Variants in TAS2R3 observed in about 807,000 individuals in gnomAD.
TAS2R3 encodes taste receptor type 2 member 3.
A neutral mutation model predicts 15.3 loss-of-function variants in TAS2R3; 10 were observed. That is an observed-to-expected ratio of 0.65 (90% CI 0.40 to 1.11). The LOEUF is 1.11. Among genes scored for constraint, TAS2R3 ranks in the 50% least tolerant of loss-of-function variants. TAS2R3 has a pLI of 0.00. For synonymous variants in TAS2R3, 162 were observed against 141.3 expected (o/e 1.15, Z -1.04); for missense variants, 383 against 370.3 (o/e 1.03, Z -0.28).
rs773433258 is a variant in TAS2R3, at chr7:141,765,026, A to G, written c.868A>G (p.Lys290Glu). The G allele has an allele frequency of 3.7e-6, 6 of 1,614,226 alleles. No individual in the cohort carries two copies. In the South Asian group the frequency reaches 6.6e-5, roughly 18 times the overall value. The change falls in exon 1 of 1, where the codon AAG (lysine) becomes GAG (glutamate). Residue 290 changes from lysine (K) to glutamate (E), a missense_variant. Transcript: ENST00000247879. The part of the protein sequence containing the change: ...HSFILILGNS[K>E]LKQTFVVMLR... Reference sequence around the variant, plus strand: ...ATTTATTCTCATTCTGGGGAACAGTAAGCTGAAGCAGACATTTGTAGTGAT... The same window carrying G: ...ATTTATTCTCATTCTGGGGAACAGTGAGCTGAAGCAGACATTTGTAGTGAT...
At position 141,764,331 on chromosome 7, in the gene TAS2R3, T is replaced by C. The variant is rs1266139495; in HGVS notation, c.173T>C (p.Leu58Pro). 1 of 1,614,210 alleles carries C rather than the reference T, an allele frequency of 6.2e-7. No individual in the cohort carries two copies. The highest frequency in any genetic ancestry group is 1.7e-5 in the Admixed American group (1 of 60,030). The part of the protein sequence containing the change: ...ITTLALLRII[L>P]LCIILTDSFL... ...ACCCTGGCACTCTTGAGGATCATTC[T>C]GCTGTGTATTATCTTGACTGATAGT... is the stretch of plus-strand genomic sequence containing the variant. Residue 58 changes from leucine to proline, a missense_variant, in exon 1 of 1, where the codon CTG becomes CCG. By Grantham distance (98) the Leu-to-Pro change is moderately conservative. Transcript: ENST00000247879.
At position 141,764,527 on chromosome 7, in the gene TAS2R3, G is replaced by A. The variant is rs772268584; in HGVS notation, c.369G>A (p.Lys123=). Reference sequence around the variant, plus strand: ...CTCACCCCACATTCCTCTGGCTCAAGTGGAGAGTTTCTAGGGTGATGGTAT... The same window carrying A: ...CTCACCCCACATTCCTCTGGCTCAAATGGAGAGTTTCTAGGGTGATGGTAT... The part of the protein sequence containing the change: ...SFSHPTFLWL[K]WRVSRVMVWM... Residue 123 remains lysine, a synonymous_variant, in exon 1 of 1, where the codon AAG becomes AAA. Transcript: ENST00000247879. The A allele has an allele frequency of 6.2e-7, 1 of 1,614,134 alleles. No individual in the cohort carries two copies. The highest frequency in any genetic ancestry group is 1.7e-5 in the Admixed American group (1 of 60,016).
chr7:141,764,184 TC>T, the TAS2R3 span: 1 of 1,613,706 alleles, frequency 6.2e-7, no homozygotes. Flanking sequence ...GAGGGGGTGT[TC>T]CTGATTCTGT....
In TAS2R3 at chr7:141,764,863, C is replaced by T. The variant is rs145212417; in HGVS notation, c.705C>T (p.Ile235=). The change falls in exon 1 of 1, where the codon ATC becomes ATT. Residue 235 remains isoleucine (I), a synonymous_variant. Transcript: ENST00000247879. ...AGGCCCACAAGAGGGCCATCAGAAT[C>T]ATCCTTTCCTTCTTCTTTCTCTTCT... ...TTEAHKRAIR[I]ILSFFFLFLL... 425 of 1,614,060 alleles carry T rather than the reference C, an allele frequency of 2.6e-4. 1 individual carries two copies. The highest frequency in any genetic ancestry group is 1.5e-4 in the Non-Finnish European group (173 of 1,180,048).
Position 141,764,994 on chromosome 7 carries a change from G to A in TAS2R3, c.836G>A (p.Gly279Asp). 6.2e-7 allele frequency: 1 copy of A among 1,614,164 alleles called. No homozygotes were observed. The change falls in exon 1 of 1, where the codon GGC becomes GAC. Residue 279 changes from glycine (G) to aspartate (D), a missense_variant. Physicochemically the swap from Gly to Asp is moderately conservative, Grantham distance 94. Coordinates refer to ENST00000247879, the MANE Select transcript of TAS2R3 (RefSeq NM_016943.2). ...GEVMTMFYPA[G>D]HSFILILGNS... ...GTAATGACAATGTTTTATCCTGCTG[G>A]CCACTCATTTATTCTCATTCTGGGG...
Position 141,764,626 on chromosome 7 carries a change from T to C in TAS2R3, c.468T>C (p.Ser156=). The C allele has an allele frequency of 6.2e-7, 1 of 1,614,208 alleles. No individual in the cohort carries two copies. Among genetic ancestry groups the C allele is most frequent in the Admixed American group, 1.7e-5 (1 of 60,028 alleles). ...ASLINEFKLY[S]VFRGIEATRN... ...TGATCAATGAGTTTAAGCTCTATTC[T>C]GTCTTTAGGGGAATTGAGGCCACCA... Residue 156 remains serine, a synonymous_variant, in exon 1 of 1, where the codon TCT becomes TCC. Transcript: ENST00000247879.
chr7:141,764,380 C>A lies in TAS2R3; in HGVS notation c.222C>A (p.Asn74Lys). The A allele has an allele frequency of 1.9e-6, 3 of 1,614,194 alleles. No homozygotes were observed. The highest frequency in any genetic ancestry group is 2.5e-6 in the Non-Finnish European group (3 of 1,180,026). Residue 74 changes from asparagine to lysine, a missense_variant, in exon 1 of 1, where the codon AAC becomes AAA. Asn to Lys is a moderately conservative substitution (Grantham distance 94, BLOSUM62 0). Transcript: ENST00000247879. ...GTTTTTTAATAGAATTCTCTCCCAACACACATGATTCAGGGATAATAATGC... is the reference window on the plus strand; with the variant it reads ...GTTTTTTAATAGAATTCTCTCCCAAAACACATGATTCAGGGATAATAATGC... ...TDSFLIEFSP[N>K]THDSGIIMQI... is the part of the protein sequence containing the mutation.
rs1185673040 is a variant in TAS2R3, at chr7:141,764,144, T to C, written c.-15T>C. On this transcript the variant is annotated 5_prime_UTR_variant, in exon 1 of 1. Transcript: ENST00000247879. ...CAACAGAAAGAACAAAGATCAGGGC[T>C]GCCTAATTGCTGACATGATGGGACT... 1 of 1,600,288 alleles carries C rather than the reference T, an allele frequency of 6.2e-7. No individual in the cohort carries two copies. Among genetic ancestry groups the C allele is most frequent in the East Asian group, 2.2e-5 (1 of 44,736 alleles).
In TAS2R3 at chr7:141,765,053, C is replaced by T; in HGVS notation, c.895C>T (p.Leu299Phe). The change falls in exon 1 of 1, where the codon CTC becomes TTC. Residue 299 changes from leucine (L) to phenylalanine (F), a missense_variant. Transcript: ENST00000247879. ...SKLKQTFVVM[L>F]RCESGHLKPG... The stretch of plus-strand genomic sequence containing the variant: ...GCTGAAGCAGACATTTGTAGTGATG[C>T]TCCGGTGTGAGTCTGGTCATCTGAA... The T allele has an allele frequency of 6.2e-7, 1 of 1,614,102 alleles. No homozygotes were observed. The highest frequency in any genetic ancestry group is 8.5e-7 in the Non-Finnish European group (1 of 1,180,002).
chr7:141,764,957 A>G lies in TAS2R3; in HGVS notation c.799A>G (p.Met267Val). Residue 267 changes from methionine (M) to valine (V), a missense_variant, in exon 1 of 1, where the codon ATG becomes GTG. By Grantham distance (21) the Met-to-Val change is conservative. Coordinates refer to ENST00000247879, the MANE Select transcript of TAS2R3 (RefSeq NM_016943.2). The stretch of plus-strand genomic sequence containing the variant: ...CCTACCAAAAACCAAGATGGCTAAG[A>G]TGATTGGCGAAGTAATGACAATGTT... ...NFLPKTKMAK[M>V]IGEVMTMFYP... 2 of 1,614,202 alleles carry G rather than the reference A, an allele frequency of 1.2e-6. No individual in the cohort carries two copies.
rs777124244 is a variant in TAS2R3 at position 141,764,115 on chromosome 7, G to A, written c.-44G>A. 4.5e-6 allele frequency: 7 copies of A among 1,567,730 alleles called. No homozygotes were observed. Among genetic ancestry groups the A allele is most frequent in the African/African-American group, 2.7e-5 (2 of 74,024 alleles). ...TATCACATCAGTGAGGAGATTCTAT[G>A]TATCAACAGAAAGAACAAAGATCAG... On this transcript the variant is annotated 5_prime_UTR_variant, in exon 1 of 1. The change abolishes an upstream ATG in the 5' untranslated region. Transcript: ENST00000247879.
At position 141,764,395 on chromosome 7, in the gene TAS2R3, G is replaced by A. The variant is rs780822691; in HGVS notation, c.237G>A (p.Gly79=). The part of the protein sequence containing the change: ...IEFSPNTHDS[G]IIMQIIDVSW... ...TCTCTCCCAACACACATGATTCAGGGATAATAATGCAAATTATTGATGTTT... is the reference window on the plus strand; with the variant it reads ...TCTCTCCCAACACACATGATTCAGGAATAATAATGCAAATTATTGATGTTT... The change falls in exon 1 of 1, where the codon GGG becomes GGA. Residue 79 remains glycine, a synonymous_variant. Coordinates refer to ENST00000247879, the MANE Select transcript of TAS2R3 (RefSeq NM_016943.2). The A allele has an allele frequency of 1.5e-5, 25 of 1,613,970 alleles. No individual in the cohort carries two copies. Among genetic ancestry groups the A allele is most frequent in the Non-Finnish European group, 2.0e-5 (24 of 1,180,036 alleles).
rs1223988069 is a variant in TAS2R3, at chr7:141,765,164, A to G, written c.*55A>G. ...GAGCCTTTTGGCCTGGCTCAAGACT[A>G]CAGGACTCTTCCTGACCTTCCTATG... On this transcript the variant is annotated 3_prime_UTR_variant, in exon 1 of 1. Coordinates refer to ENST00000247879, the MANE Select transcript of TAS2R3 (RefSeq NM_016943.2). 5.2e-6 allele frequency: 8 copies of G among 1,524,848 alleles called. No homozygotes were observed. The highest frequency in any genetic ancestry group is 1.3e-5 in the South Asian group (1 of 76,010). 94.5% of individuals were successfully genotyped at this position (1,524,848 alleles called of 1,614,324 possible).
Position 141,764,845 on chromosome 7 carries a change from C to T in TAS2R3, c.687C>T (p.His229=), listed in dbSNP as rs780248430. The change falls in exon 1 of 1, where the codon CAC becomes CAT. Residue 229 remains histidine (H), a synonymous_variant. Transcript: ENST00000247879. The part of the protein sequence containing the change: ...TSSRDPTTEA[H]KRAIRIILSF... ...CCAGAGATCCAACCACTGAGGCCCA[C>T]AAGAGGGCCATCAGAATCATCCTTT... The T allele has an allele frequency of 1.2e-6, 2 of 1,614,218 alleles. No homozygotes were observed. Among genetic ancestry groups the T allele is most frequent in the Non-Finnish European group, 1.7e-6 (2 of 1,180,038 alleles).
rs1244707740 is a variant in TAS2R3, at chr7:141,764,396, A to G, written c.238A>G (p.Ile80Val). 3.7e-6 allele frequency: 6 copies of G among 1,614,182 alleles called. No homozygotes were observed. Among genetic ancestry groups the G allele is most frequent in the African/African-American group, 1.3e-5 (1 of 75,056 alleles). ...EFSPNTHDSG[I>V]IMQIIDVSWT... ...CTCTCCCAACACACATGATTCAGGG[A>G]TAATAATGCAAATTATTGATGTTTC... Residue 80 changes from isoleucine (I) to valine (V), a missense_variant, in exon 1 of 1, where the codon ATA becomes GTA. By Grantham distance (29) the Ile-to-Val change is conservative. Coordinates refer to ENST00000247879, the MANE Select transcript of TAS2R3 (RefSeq NM_016943.2).
rs567515970 is a variant in TAS2R3 at position 141,765,133 on chromosome 7, G to C, written c.*24G>C. ...AGAGTAACAGAGGGCATGGGGTGGA[G>C]CCCTTGAGCCTTTTGGCCTGGCTCA... On this transcript the variant is annotated 3_prime_UTR_variant, in exon 1 of 1. Transcript: ENST00000247879. The C allele has an allele frequency of 1.3e-5, 20 of 1,573,636 alleles. No individual in the cohort carries two copies. The Admixed American group carries it at 1.7e-4, about 13-fold the overall frequency.
rs117113617 is a variant in TAS2R3, at chr7:141,764,318, T to C, written c.160T>C (p.Leu54=). 482 of 1,614,230 alleles carry C rather than the reference T, an allele frequency of 3.0e-4. 3 individuals are homozygous for C. In the East Asian group the frequency reaches 7.8e-3, roughly 26 times the overall value. Residue 54 remains leucine (L), a synonymous_variant, in exon 1 of 1, where the codon TTG becomes CTG. Transcript: ENST00000247879. The stretch of plus-strand genomic sequence containing the variant: ...CTTCATCATCACCACCCTGGCACTC[T>C]TGAGGATCATTCTGCTGTGTATTAT... ...SDFIITTLAL[L]RIILLCIILT... is the part of the protein sequence containing the mutation.
rs775818727 is a variant in TAS2R3 at position 141,764,196 on chromosome 7, C to G, written c.38C>G (p.Ser13Cys). The G allele has an allele frequency of 3.1e-6, 5 of 1,613,968 alleles. No homozygotes were observed. The highest frequency in any genetic ancestry group is 4.2e-6 in the Non-Finnish European group (5 of 1,179,984). ...GLTEGVFLIL[S>C]GTQFTLGILV... ...ACCGAGGGGGTGTTCCTGATTCTGT[C>G]TGGCACTCAGTTCACACTGGGAATT... The change falls in exon 1 of 1, where the codon TCT (serine) becomes TGT (cysteine). Residue 13 changes from serine (S) to cysteine (C), a missense_variant. Coordinates refer to ENST00000247879, the MANE Select transcript of TAS2R3 (RefSeq NM_016943.2).
Position 141,764,603 on chromosome 7 carries a change from A to T in TAS2R3, c.445A>T (p.Ile149Phe). The change falls in exon 1 of 1, where the codon ATC becomes TTC. Residue 149 changes from isoleucine (I) to phenylalanine (F), a missense_variant. By Grantham distance (21) the Ile-to-Phe change is conservative. Coordinates refer to ENST00000247879, the MANE Select transcript of TAS2R3 (RefSeq NM_016943.2). Reference protein sequence around the residue: ...LLSCGSTASLINEFKLYSVFR... With the variant: ...LLSCGSTASLFNEFKLYSVFR... Reference sequence around the variant, plus strand: ...ATCCTGTGGTAGTACCGCATCTCTGATCAATGAGTTTAAGCTCTATTCTGT... The same window carrying T: ...ATCCTGTGGTAGTACCGCATCTCTGTTCAATGAGTTTAAGCTCTATTCTGT... 6.2e-7 allele frequency: 1 copy of T among 1,614,102 alleles called. No homozygotes were observed. The highest frequency in any genetic ancestry group is 8.5e-7 in the Non-Finnish European group (1 of 1,180,020).
Sources: allele counts gnomAD v4.1 joint callset, GRCh38; gene constraint gnomAD v4.1.1; transcripts MANE v1.5; gene names NCBI Gene and HGNC (gene_info 2026-07-23, HGNC 2026-07-21).